Variants in MAGED1 observed in about 807,000 individuals in gnomAD.
MAGED1 encodes the protein MAGE family member D1.
Under a neutral mutation model 54.1 loss-of-function variants are expected in MAGED1, and 3 were observed. That is an observed-to-expected ratio of 0.06 (90% CI 0.03 to 0.14). MAGED1 has a LOEUF of 0.14. Ranked by LOEUF, MAGED1 falls within the 10% of genes least tolerant of loss-of-function variation. MAGED1 has a pLI of 1.00. For synonymous variants in MAGED1, 217 were observed against 227.3 expected (o/e 0.95, Z 0.41); for missense variants, 485 against 623.4 (o/e 0.78, Z 2.36).
In MAGED1 at chrX:51,808,700, C is replaced by A. The variant is rs1464196927; in HGVS notation, c.-37+5583C>A. Among the ~76,000 whole-genome samples the A allele has an allele frequency of 2.8e-5, 3 of 107,024 alleles. No individual in the cohort carries two copies. In the Admixed American group the frequency reaches 2.9e-4, roughly 10 times the overall value. 92.9% of individuals were successfully genotyped at this position (107,024 alleles called of 115,157 possible). Reference sequence around the variant, plus strand: ...CTCCAGCCTGGGCGACAGAGTGAGACCCTGCCTTAGAAAAAAAAATAGTAA... The same window carrying A: ...CTCCAGCCTGGGCGACAGAGTGAGAACCTGCCTTAGAAAAAAAAATAGTAA... On this transcript the variant is annotated intron_variant, in intron 1 of 12. Coordinates refer to the MAGED1 transcript ENST00000375772.
At chrX:51,900,144 C>T in intron 10 of MAGED1, 38 bp from the exon 11 acceptor site, 1 of 901,471 alleles carries the variant, frequency 1.1e-6, no homozygotes, top group African/African-American at 1.9e-5. Context: ...ACCATTCTGC[C>T]TGGGTAGGTA....
chrX:51,809,425 C>T (rs1189644851), intron 1 of MAGED1, among the ~76,000 whole-genome samples: 1 of 111,767 alleles, frequency 8.9e-6, no homozygotes, highest in East Asian at 2.8e-4. Context: ...GCCCCTTAGT[C>T]TCCTTTTTGA....
At chrX:51,871,794 A>G (rs7059726) in intron 1 of MAGED1, among the ~76,000 whole-genome samples, 2,141 of 111,651 alleles carry the variant, frequency 0.019, 57 homozygotes, top group African/African-American at 0.066. Context: ...ATACCTAGTA[A>G]TGGGATGGCT....
At chrX:51,841,778 C>T (rs1602229472) in intron 1 of MAGED1, among the ~76,000 whole-genome samples, 1 of 111,718 alleles carries the variant, frequency 9.0e-6, no homozygotes, top group African/African-American at 3.2e-5. Flanking sequence ...GGGCTCTGTT[C>T]TGTTCCATTG....
chrX:51,865,216 T>C (rs1444792811), intron 1 of MAGED1, among the ~76,000 whole-genome samples: 1 of 112,441 alleles, frequency 8.9e-6, no homozygotes, highest in African/African-American at 3.2e-5. Flanking sequence ...TTTTCTTGTT[T>C]CCTTGAATTC....
At chrX:51,869,940 T>C (rs188082915) in intron 1 of MAGED1, among the ~76,000 whole-genome samples, 1 of 111,361 alleles carries the variant, frequency 9.0e-6, no homozygotes, top group African/African-American at 3.3e-5. Context: ...GGTGCTATCA[T>C]AGCTCACTGC....
chrX:51,850,993 G>A (rs781873670), intron 1 of MAGED1, among the ~76,000 whole-genome samples: 201 of 111,340 alleles, frequency 1.8e-3, no homozygotes, highest in Non-Finnish European at 3.3e-3. Context: ...TGTAAACGTG[G>A]AATCCTTTGT....
intron 1 of MAGED1, among the ~76,000 whole-genome samples, chrX:51,827,728 A>G (rs1257196815): frequency 2.7e-5 from 3 of 111,484 alleles, no homozygotes; most frequent in Non-Finnish European, 5.7e-5. Context: ...CAATTTTTTA[A>G]AAGTCAACTG....
chrX:51,848,581 A>C (rs1478260744), intron 1 of MAGED1, among the ~76,000 whole-genome samples: 1 of 111,874 alleles, frequency 8.9e-6, no homozygotes, highest in Admixed American at 9.5e-5. Context: ...GCCTCCCCTC[A>C]CCCATAAAGC....
chrX:51,894,304 C>T lies in MAGED1; in HGVS notation c.-1C>T, dbSNP rs782086306. The T allele has an allele frequency of 3.3e-6, 4 of 1,201,260 alleles. No individual in the cohort carries two copies. The South Asian group carries it at 7.3e-5, about 22-fold the overall frequency. On this transcript the variant is annotated 5_prime_UTR_variant, in exon 2 of 13. Coordinates refer to ENST00000326587, the MANE Select transcript of MAGED1 (RefSeq NM_006986.4). ...CCGCTCTTGCCAGAGGGACAGGAGC[C>T]ATGGCTCAGAAAATGGACTGTGGTG...
At chrX:51,822,052 A>G (rs190989415) in intron 1 of MAGED1, among the ~76,000 whole-genome samples, 226 of 111,454 alleles carry the variant, frequency 2.0e-3, no homozygotes, top group Admixed American at 3.4e-3. Flanking sequence ...TTTTCTTGTA[A>G]TGCCTCTGTC....
intron 12 of MAGED1, 73 bp downstream of exon 12, chrX:51,902,011 G>T: frequency 1.9e-6 from 2 of 1,037,945 alleles, no homozygotes; most frequent in Non-Finnish European, 1.3e-6. Flanking sequence ...GTATTTATGT[G>T]CATGAGCTAG....
At chrX:51,811,507 T>C (rs1182660288) in intron 1 of MAGED1, among the ~76,000 whole-genome samples, 1 of 111,521 alleles carries the variant, frequency 9.0e-6, no homozygotes, top group Non-Finnish European at 1.9e-5. Flanking sequence ...GGAGAATCAC[T>C]AGGCTTAGGA....
intron 1 of MAGED1, among the ~76,000 whole-genome samples, chrX:51,835,582 T>TA (rs1280175975): frequency 9.0e-6 from 1 of 111,633 alleles, no homozygotes; most frequent in African/African-American, 3.3e-5. Flanking sequence ...CCAGAGTTTT[T>TA]AAAAAAATCT....
chrX:51,821,705 T>G (rs1925641487), intron 1 of MAGED1, among the ~76,000 whole-genome samples: 1 of 111,864 alleles, frequency 8.9e-6, no homozygotes, highest in Non-Finnish European at 1.9e-5. Flanking sequence ...CTTTAATTAT[T>G]AAGTATGGTG....
intron 1 of MAGED1, among the ~76,000 whole-genome samples, chrX:51,805,789 ATCCATCCATCCG>A (rs1279686609): frequency 2.8e-5 from 3 of 108,521 alleles, no homozygotes; most frequent in African/African-American, 1.0e-4. Flanking sequence ...GCATCCATCC[ATCCATCCATCCG>A]TCCATCCGTC....
At chrX:51,849,995 T>A (rs1926827197) in intron 1 of MAGED1, among the ~76,000 whole-genome samples, 1 of 110,975 alleles carries the variant, frequency 9.0e-6, no homozygotes, top group South Asian at 3.9e-4. Context: ...TGCAGTGGCA[T>A]GATCTCGGCT....
intron 1 of MAGED1, among the ~76,000 whole-genome samples, chrX:51,880,721 G>A (rs1359967830): frequency 1.8e-5 from 2 of 111,362 alleles, no homozygotes; most frequent in Admixed American, 9.5e-5. Context: ...ATTTTGGTGG[G>A]TACCAACATA....
At chrX:51,843,939 G>A (rs782374370) in intron 1 of MAGED1, among the ~76,000 whole-genome samples, 1 of 111,747 alleles carries the variant, frequency 8.9e-6, no homozygotes, top group South Asian at 3.8e-4. Context: ...CATTCTAATA[G>A]TGAGGGCCCA....
Sources: gnomAD v4.1 joint callset for allele counts (sites outside exome capture counted in the v4.1 genomes callset) on GRCh38, gnomAD v4.1.1 for gene constraint, MANE v1.5 for transcripts, NCBI Gene and HGNC (gene_info 2026-07-23, HGNC 2026-07-21) for gene names.